GATA6: variants seen among roughly 807,000 people sequenced by gnomAD.
GATA6 encodes the protein GATA binding protein 6.
In GATA6, 11 loss-of-function variants were observed where a neutral mutation model predicts 48.1. The observed-to-expected ratio is 0.23, with a 90% confidence interval of 0.14 to 0.38. The LOEUF (loss-of-function observed/expected upper bound fraction) is 0.38, where lower values mean the gene tolerates loss of function less well. Ranked by LOEUF, GATA6 falls within the 10% of genes least tolerant of loss-of-function variation. GATA6 has a pLI of 1.00. For synonymous variants in GATA6, 419 were observed against 396.1 expected (o/e 1.06, Z -0.69); for missense variants, 795 against 850.3 (o/e 0.93, Z 0.81).
intron 6 of GATA6, among the ~76,000 whole-genome samples, chr18:22,195,226 T>A (rs188091781): frequency 1.6e-4 from 25 of 152,320 alleles, no homozygotes; most frequent in African/African-American, 5.8e-4. Flanking sequence ...TTAACTTGTA[T>A]AGAACTGTGA....
chr18:22,174,486 A>G (rs2033096545), intron 2 of GATA6, among the ~76,000 whole-genome samples: 1 of 152,194 alleles, frequency 6.6e-6, no homozygotes. Flanking sequence ...CACCACAGTT[A>G]GAGGAATTTT....
Position 22,172,108 on chromosome 18 carries a change from A to T in GATA6, c.964A>T (p.Thr322Ser), listed in dbSNP as rs1473329017. Reference protein sequence around the residue: ...SLSAARPLNGTYHHHHHHHHH... With the variant: ...SLSAARPLNGSYHHHHHHHHH... Reference sequence around the variant, plus strand: ...GTCGGCCGCGCGGCCGCTGAACGGGACGTACCACCACCACCACCACCACCA... The same window carrying T: ...GTCGGCCGCGCGGCCGCTGAACGGGTCGTACCACCACCACCACCACCACCA... Residue 322 changes from threonine to serine, a missense_variant, in exon 2 of 7, where the codon ACG (threonine) becomes TCG (serine). This residue lies in a region of GATA6 where 591 missense variants were observed against 570.0 expected (regional missense o/e 1.04). Coordinates refer to ENST00000269216, the MANE Select transcript of GATA6 (RefSeq NM_005257.6). The surrounding 1 kb of genome is among the most constrained non-coding windows in gnomAD (Gnocchi z 5.2). 6.7e-7 allele frequency: 1 copy of T among 1,502,816 alleles called. No individual in the cohort carries two copies. Among genetic ancestry groups the T allele is most frequent in the African/African-American group, 1.4e-5 (1 of 71,224 alleles). 93.1% of individuals were successfully genotyped at this position (1,502,816 alleles called of 1,614,324 possible). A position where few individuals can be genotyped will look rare whatever the true frequency, so the allele number is the denominator to read the frequency against.
At chr18:22,189,421 A>G (rs2033301766) in intron 6 of GATA6, among the ~76,000 whole-genome samples, 1 of 152,180 alleles carries the variant, frequency 6.6e-6, no homozygotes. Flanking sequence ...TGCATTTTCC[A>G]GTGCAGGGGG....
At position 22,171,208 on chromosome 18, in the gene GATA6, A is replaced by G; in HGVS notation, c.64A>G (p.Ser22Gly). Residue 22 changes from serine to glycine, a missense_variant, in exon 2 of 7, where the codon AGC (serine) becomes GGC (glycine). Around this residue, in one of 5 missense-constraint regions of GATA6, gnomAD observed 591 missense variants for 570.0 expected, o/e 1.04. Coordinates refer to ENST00000269216, the MANE Select transcript of GATA6 (RefSeq NM_005257.6). This position sits in a 1 kb window ranked among gnomAD's most constrained non-coding sequence, Gnocchi z 7.1. ...CTTCGGGGCCGCGGGTGCGGACGCC[A>G]GCGACTCCAGAGCCTTTCCAGCGCG... ...KRFGAAGADA[S>G]DSRAFPAREP... 14 of 1,599,488 alleles carry G rather than the reference A, an allele frequency of 8.8e-6. No homozygotes were observed. The highest frequency in any genetic ancestry group is 1.2e-5 in the Non-Finnish European group (14 of 1,179,408).
chr18:22,175,883 A>G (rs1439126266), intron 2 of GATA6, among the ~76,000 whole-genome samples: 1 of 152,174 alleles, frequency 6.6e-6, no homozygotes, highest in African/African-American at 2.4e-5. Flanking sequence ...CAGAACTAGG[A>G]CATTTAAACC....
rs929183591 is a variant in GATA6, at chr18:22,201,829, A to G, written c.*1006A>G. 2.6e-5 allele frequency: 4 copies of G among 152,622 alleles called. No homozygotes were observed. The highest frequency in any genetic ancestry group is 2.6e-4 in the Admixed American group (4 of 15,282). The allele number at this position is 152,622 out of a possible 1,614,324, so 9.5% of individuals were successfully genotyped here. ...AACGGATAGCATTTGTAAATACTCTAGGTATCTGTAAACACTCTGATGAAG... is the reference window on the plus strand; with the variant it reads ...AACGGATAGCATTTGTAAATACTCTGGGTATCTGTAAACACTCTGATGAAG... On this transcript the variant is annotated 3_prime_UTR_variant, in exon 7 of 7. Transcript: ENST00000269216.
At chr18:22,187,119 G>T (rs961978610) in intron 6 of GATA6, among the ~76,000 whole-genome samples, 36 of 151,924 alleles carry the variant, frequency 2.4e-4, no homozygotes, top group African/African-American at 8.7e-4. Context: ...CTTTCTTTCT[G>T]GCTAAGAATT....
intron 2 of GATA6, among the ~76,000 whole-genome samples, chr18:22,174,338 C>G (rs2033094990): frequency 6.6e-6 from 1 of 152,164 alleles, no homozygotes; most frequent in African/African-American, 2.4e-5. Context: ...CTGAGAGAGT[C>G]TTTTGATGTT....
chr18:22,179,139 C>G (rs2033163602), intron 3 of GATA6, among the ~76,000 whole-genome samples: 1 of 152,144 alleles, frequency 6.6e-6, no homozygotes, highest in Non-Finnish European at 1.5e-5. Flanking sequence ...TTGGCCATAA[C>G]CAAGGTCAGC....
intron 4 of GATA6, among the ~76,000 whole-genome samples, chr18:22,182,016 A>C (rs550519797): frequency 2.0e-5 from 3 of 152,352 alleles, no homozygotes; most frequent in Admixed American, 2.0e-4. Flanking sequence ...CATTTGTGCA[A>C]AAGAGTAATG....
rs118035208 is a variant in GATA6, at chr18:22,179,798, G to A, written c.1303-1655G>A. Among the ~76,000 whole-genome samples, 54 of 152,296 alleles carry A rather than the reference G, an allele frequency of 3.5e-4. 2 individuals carry two copies. The East Asian group carries it at 0.01, about 29-fold the overall frequency. On this transcript the variant is annotated intron_variant, in intron 3 of 6. Transcript: ENST00000269216. ...CCAAGCATACTCATTTCAACTAAAG[G>A]CAAATTGATTCTTAGCACTGACTTC...
At chr18:22,189,006 TGA>T (rs1296778077) in intron 6 of GATA6, among the ~76,000 whole-genome samples, 1 of 152,198 alleles carries the variant, frequency 6.6e-6, no homozygotes, top group Non-Finnish European at 1.5e-5. Context: ...GACAATAGGC[TGA>T]GAGATAGAGA....
At chr18:22,181,310 A>G (rs1027074595) in intron 3 of GATA6, 143 bp from the exon 4 acceptor site, 1 of 1,047,314 alleles carries the variant, frequency 9.5e-7, no homozygotes, top group East Asian at 2.6e-5. Flanking sequence ...GTACACTGCA[A>G]TTTTTTTTCT....
Position 22,171,823 on chromosome 18 carries a change from C to G in GATA6, c.679C>G (p.Gln227Glu). Reference sequence around the variant, plus strand: ...CGCGGGCGCGCACCCCGGCTGGCCTCAGGCCTCGGCCGACAGCCCTCCATA... The same window carrying G: ...CGCGGGCGCGCACCCCGGCTGGCCTGAGGCCTCGGCCGACAGCCCTCCATA... ...GGAGAHPGWPQASADSPPYGS... is the reference protein window; with the variant it reads ...GGAGAHPGWPEASADSPPYGS... Residue 227 changes from glutamine to glutamate, a missense_variant, in exon 2 of 7, where the codon CAG becomes GAG. Around this residue, in one of 5 missense-constraint regions of GATA6, gnomAD observed 591 missense variants for 570.0 expected, o/e 1.04. Transcript: ENST00000269216. This position sits in a 1 kb window ranked among gnomAD's most constrained non-coding sequence, Gnocchi z 7.1. 7 of 1,261,624 alleles carry G rather than the reference C, an allele frequency of 5.5e-6. No homozygotes were observed. The highest frequency in any genetic ancestry group is 6.9e-6 in the Non-Finnish European group (7 of 1,009,262). The allele number at this position is 1,261,624 out of a possible 1,614,324, so 78.2% of individuals were successfully genotyped here. A position where few individuals can be genotyped will look rare whatever the true frequency, so the allele number is the denominator to read the frequency against.
intron 6 of GATA6, among the ~76,000 whole-genome samples, chr18:22,196,749 A>AT (rs370879256): frequency 0.019 from 2,949 of 152,202 alleles, 102 homozygotes; most frequent in African/African-American, 0.067. Context: ...CTCAAAAATA[A>AT]AAAATAAAAT....
intron 6 of GATA6, among the ~76,000 whole-genome samples, chr18:22,183,828 G>A (rs1160006793): frequency 6.6e-6 from 1 of 152,206 alleles, no homozygotes; most frequent in African/African-American, 2.4e-5. Context: ...TCCCTCAGAC[G>A]TCAGTGAGCT....
At position 22,170,435 on chromosome 18, in the gene GATA6, G is replaced by C. The variant is rs1299225858; in HGVS notation, c.-37-673G>C. ...CTCTCCGCATTGCCTCTGCTGGGAA[G>C]GACCCAGACTGCTGCCCCCGCCCTG... On this transcript the variant is annotated intron_variant, in intron 1 of 6. Transcript: ENST00000269216. The surrounding 1 kb of genome is among the most constrained non-coding windows in gnomAD (Gnocchi z 6.7). 2.0e-5 allele frequency among the ~76,000 whole-genome samples: 3 copies of C among 152,162 alleles called. No individual in the cohort carries two copies. The highest frequency in any genetic ancestry group is 4.4e-5 in the Non-Finnish European group (3 of 67,978).
rs979067151 is a variant in GATA6, at chr18:22,177,944, G to GTTTTTTTTTTTTTTTTTT, written c.1302+830_1302+831insTTTTTTTTTTTTTTTTTT. On this transcript the variant is annotated intron_variant, in intron 3 of 6. Coordinates refer to ENST00000269216, the MANE Select transcript of GATA6 (RefSeq NM_005257.6). The stretch of plus-strand genomic sequence containing the variant: ...TTCCCCAATTCGCACACGTTTTACT[G>GTTTTTTTTTTTTTTTTTT]TTTTTTTGTTTTTTTTTTTTTTTTT... Among the ~76,000 whole-genome samples the GTTTTTTTTTTTTTTTTTT allele has an allele frequency of 7.3e-4, 57 of 77,858 alleles. 17 individuals carry two copies. The highest frequency in any genetic ancestry group is 3.4e-3 in the African/African-American group (54 of 15,880). The allele number at this position is 77,858 out of a possible 152,430, so 51.1% of individuals were successfully genotyped here.
rs766917077 is a variant in GATA6, at chr18:22,201,422, A to G, written c.*599A>G. 3 of 153,804 alleles carry G rather than the reference A, an allele frequency of 2.0e-5. No individual in the cohort carries two copies. Among genetic ancestry groups the G allele is most frequent in the Non-Finnish European group, 2.9e-5 (2 of 68,850 alleles). 9.5% of individuals were successfully genotyped at this position (153,804 alleles called of 1,614,324 possible). A position where few individuals can be genotyped will look rare whatever the true frequency, so the allele number is the denominator to read the frequency against. On this transcript the variant is annotated 3_prime_UTR_variant, in exon 7 of 7. Transcript: ENST00000269216. ...ATCTGAAGTCAGTCGGAATTTGTAA[A>G]CAGGGTAGCAAACAAGATATTTTTC... is the stretch of plus-strand genomic sequence containing the variant.
Sources: allele counts gnomAD v4.1 joint callset (sites outside exome capture counted in the v4.1 genomes callset), GRCh38; gene constraint gnomAD v4.1.1; regional missense constraint gnomAD v4.1.1; non-coding constraint Gnocchi (gnomAD v3.1); transcripts MANE v1.5; gene names NCBI Gene and HGNC (gene_info 2026-07-23, HGNC 2026-07-21).